GPC5: variants seen among roughly 807,000 people sequenced by gnomAD.
GPC5 encodes the protein glypican-5.
In GPC5, 47 loss-of-function variants were observed where a neutral mutation model predicts 53.9. That is an observed-to-expected ratio of 0.87 (90% CI 0.69 to 1.11). The LOEUF is 1.11. Among genes scored for constraint, GPC5 ranks in the 50% most tolerant of loss-of-function variants. The pLI, the probability that GPC5 is intolerant of heterozygous loss-of-function variation, is 0.00. For synonymous variants in GPC5, 286 were observed against 263.3 expected, an observed-to-expected ratio of 1.09 and a Z score of -0.84; for missense variants, 748 against 713.1, an observed-to-expected ratio of 1.05 and a Z score of -0.56.
At chr13:91,478,914 T>A (rs1349859729) in intron 2 of GPC5, among the ~76,000 whole-genome samples, 1 of 136,122 alleles carries the variant, frequency 7.3e-6, no homozygotes, top group Non-Finnish European at 1.6e-5. Flanking sequence ...CACATATATA[T>A]ATTCTTTTTT....
At chr13:92,395,196 C>T (rs1009249983) in intron 7 of GPC5, among the ~76,000 whole-genome samples, 1 of 152,088 alleles carries the variant, frequency 6.6e-6, no homozygotes, top group Non-Finnish European at 1.5e-5. Context: ...TTTATATATT[C>T]TCTGATTTTC....
chr13:91,398,692 C>T lies in GPC5; in HGVS notation c.-355C>T, dbSNP rs1038402470. Reference sequence around the variant, plus strand: ...GCGGCGGCGGCAGTGGCGGCAGTGGCGGCAGTGGCGGCAGCGGCAGCAGTT... The same window carrying T: ...GCGGCGGCGGCAGTGGCGGCAGTGGTGGCAGTGGCGGCAGCGGCAGCAGTT... On this transcript the variant is annotated 5_prime_UTR_variant, in exon 1 of 8. Transcript: ENST00000377067. 1 of 232,686 alleles carries T rather than the reference C, an allele frequency of 4.3e-6. No homozygotes were observed. The highest frequency in any genetic ancestry group is 8.1e-6 in the Non-Finnish European group (1 of 122,942). The allele number at this position is 232,686 out of a possible 1,614,324, so 14.4% of individuals were successfully genotyped here.
rs906582973 is a variant in GPC5, at chr13:92,860,953, G to C, written c.1562-5329G>C. ...TTCATTCACCTAATTATTGCTAAAT[G>C]CTTGCTAGGTCAATACAGAAATTAA... On this transcript the variant is annotated intron_variant, in intron 7 of 7. Transcript: ENST00000377067. Among the ~76,000 whole-genome samples the C allele has an allele frequency of 2.6e-5, 4 of 152,048 alleles. No homozygotes were observed. The East Asian group carries it at 7.7e-4, about 29-fold the overall frequency.
At chr13:92,415,427 A>G (rs546267272) in intron 7 of GPC5, among the ~76,000 whole-genome samples, 29 of 151,960 alleles carry the variant, frequency 1.9e-4, no homozygotes, top group African/African-American at 6.5e-4. Flanking sequence ...AATTGCTTGT[A>G]TATAGTCCAA....
chr13:92,031,020 T>C (rs1041454930), intron 6 of GPC5, among the ~76,000 whole-genome samples: 1 of 152,162 alleles, frequency 6.6e-6, no homozygotes, highest in Admixed American at 6.5e-5. Context: ...ATGGCCTTTT[T>C]ACAGGTTTTG....
chr13:91,596,894 A>G (rs868004365), intron 2 of GPC5, among the ~76,000 whole-genome samples: 5 of 152,088 alleles, frequency 3.3e-5, no homozygotes, highest in Non-Finnish European at 7.4e-5. Context: ...AGACTGATCA[A>G]TATTCTGGTG....
chr13:92,174,577 A>AAAC (rs2042096136), intron 7 of GPC5, among the ~76,000 whole-genome samples: 1 of 151,384 alleles, frequency 6.6e-6, no homozygotes, highest in Non-Finnish European at 1.5e-5. Context: ...AACAAAAAAA[A>AAAC]CAAAATTTAA....
intron 2 of GPC5, among the ~76,000 whole-genome samples, chr13:91,633,035 T>G (rs893912068): frequency 1.3e-5 from 2 of 152,126 alleles, no homozygotes; most frequent in Non-Finnish European, 2.9e-5. Context: ...AAAATGAGCA[T>G]CAAGAAGTTT....
At chr13:92,227,125 G>A (rs779527920) in intron 7 of GPC5, among the ~76,000 whole-genome samples, 1 of 152,162 alleles carries the variant, frequency 6.6e-6, no homozygotes, top group Non-Finnish European at 1.5e-5. Flanking sequence ...GAGGAATCTT[G>A]TGTCTGTGTG....
intron 7 of GPC5, among the ~76,000 whole-genome samples, chr13:92,349,273 A>G (rs1171765690): frequency 6.6e-6 from 1 of 152,000 alleles, no homozygotes; most frequent in East Asian, 1.9e-4. Flanking sequence ...CCTCCCAAGT[A>G]GCTGGGATCA....
intron 5 of GPC5, among the ~76,000 whole-genome samples, chr13:91,863,831 G>A (rs2039056464): frequency 6.6e-6 from 1 of 152,064 alleles, no homozygotes; most frequent in African/African-American, 2.4e-5. Context: ...CCCTTTTAAT[G>A]ATTAATGAAT....
rs530059505 is a variant in GPC5, at chr13:91,674,679, C to T, written c.326-18508C>T. On this transcript the variant is annotated intron_variant, in intron 2 of 7. Coordinates refer to ENST00000377067, the MANE Select transcript of GPC5 (RefSeq NM_004466.6). Reference sequence around the variant, plus strand: ...ATGTGTATATATACGCATATATATGCGTATGTGTATATATATGTATATATA... The same window carrying T: ...ATGTGTATATATACGCATATATATGTGTATGTGTATATATATGTATATATA... Among the ~76,000 whole-genome samples the T allele has an allele frequency of 1.5e-4, 22 of 144,614 alleles. 1 individual carries two copies. Among genetic ancestry groups the T allele is most frequent in the African/African-American group, 4.4e-4 (17 of 38,574 alleles). 94.9% of individuals were successfully genotyped at this position (144,614 alleles called of 152,430 possible).
At chr13:92,190,865 T>A (rs993836136) in intron 7 of GPC5, among the ~76,000 whole-genome samples, 1 of 152,084 alleles carries the variant, frequency 6.6e-6, no homozygotes, top group African/African-American at 2.4e-5. Context: ...TTACTCCAAC[T>A]GTATCAATAA....
At chr13:92,610,188 G>C (rs560369034) in intron 7 of GPC5, among the ~76,000 whole-genome samples, 3 of 152,008 alleles carry the variant, frequency 2.0e-5, no homozygotes, top group East Asian at 3.9e-4. Context: ...ACACTTTCTG[G>C]GTTCATCATT....
intron 6 of GPC5, among the ~76,000 whole-genome samples, chr13:91,926,837 C>T (rs1158501680): frequency 6.6e-6 from 1 of 152,134 alleles, no homozygotes; most frequent in East Asian, 1.9e-4. Flanking sequence ...TGAGGCTTTG[C>T]ATGGACACAG....
intron 7 of GPC5, among the ~76,000 whole-genome samples, chr13:92,830,416 A>AG (rs35400222): frequency 0.038 from 5,850 of 152,112 alleles, 454 homozygotes; most frequent in East Asian, 0.32. Flanking sequence ...CCCAGTCAAA[A>AG]CTCATACCTC....
At chr13:91,496,386 A>G (rs1452035086) in intron 2 of GPC5, among the ~76,000 whole-genome samples, 1 of 152,216 alleles carries the variant, frequency 6.6e-6, no homozygotes, top group Non-Finnish European at 1.5e-5. Flanking sequence ...CTAAGTGTCT[A>G]TCAACAGACG....
intron 3 of GPC5, among the ~76,000 whole-genome samples, chr13:91,697,319 T>C (rs1333733919): frequency 6.6e-6 from 1 of 151,956 alleles, no homozygotes; most frequent in African/African-American, 2.4e-5. Flanking sequence ...ATTTTTGTAG[T>C]TTTAGTAGAG....
intron 7 of GPC5, among the ~76,000 whole-genome samples, chr13:92,548,877 G>A (rs372054989): frequency 9.9e-5 from 15 of 151,780 alleles, no homozygotes; most frequent in East Asian, 9.7e-4. Context: ...CTCATGTGCC[G>A]CATAAATACA....
Sources: allele counts gnomAD v4.1 joint callset (sites outside exome capture counted in the v4.1 genomes callset), GRCh38; gene constraint gnomAD v4.1.1; transcripts MANE v1.5; gene names NCBI Gene and HGNC (gene_info 2026-07-23, HGNC 2026-07-21).